The following HDAC4 variants were observed in gnomAD, a reference collection of about 807,000 sequenced individuals.
HDAC4 encodes histone deacetylase A.
A neutral mutation model predicts 135.1 loss-of-function variants in HDAC4; 16 were observed. That is an observed-to-expected ratio of 0.12 (90% confidence interval 0.08 to 0.18). The LOEUF is 0.18. HDAC4 is among the 10% of genes least tolerant of loss of function. HDAC4 has a pLI of 1.00. For synonymous variants in HDAC4, 685 were observed against 653.4 expected (o/e 1.05, Z -0.74); for missense variants, 1,143 against 1,511.8 (o/e 0.76, Z 4.05).
intron 3 of HDAC4, among the ~76,000 whole-genome samples, chr2:239,196,550 C>G (rs1465975627): frequency 6.6e-6 from 1 of 152,342 alleles, no homozygotes; most frequent in East Asian, 1.9e-4. Context: ...CGGGACAGGA[C>G]AGTCTCGAGT....
chr2:239,295,306 CAAAAAAAAAAAAA>C (rs55990119), intron 2 of HDAC4, among the ~76,000 whole-genome samples: 15 of 46,526 alleles, frequency 3.2e-4, no homozygotes, highest in East Asian at 8.0e-4. Context: ...GACTCCGTCT[CAAAAAAAAAAAAA>C]AAAAAAAAAA....
At chr2:239,276,258 G>A (rs2050357384) in intron 2 of HDAC4, among the ~76,000 whole-genome samples, 1 of 152,244 alleles carries the variant, frequency 6.6e-6, no homozygotes, top group Non-Finnish European at 1.5e-5. Flanking sequence ...AGCGGGTGCG[G>A]ACCCTTGGCA....
At position 239,078,414 on chromosome 2, in the gene HDAC4, C is replaced by T. The variant is rs3791368; in HGVS notation, c.2750+2681G>A. Among the ~76,000 whole-genome samples the T allele has an allele frequency of 6.0e-3, 920 of 152,178 alleles. 63 individuals carry two copies. In the East Asian group the frequency reaches 0.14, roughly 23 times the overall value. On this transcript the variant is annotated intron_variant, in intron 22 of 26. Coordinates refer to ENST00000543185, the MANE Select transcript of HDAC4 (RefSeq NM_001378414.1). ...GCATGCATTGTCCCCGGGGGGCCCC[C>T]GTGGGGGAGAAGAGCAGAAGAAAGG...
intron 3 of HDAC4, among the ~76,000 whole-genome samples, chr2:239,227,250 A>G (rs1559253063): frequency 1.3e-5 from 2 of 152,192 alleles, no homozygotes; most frequent in African/African-American, 2.4e-5. Context: ...GGCAGAGCCC[A>G]GGGACTACTA....
intron 2 of HDAC4, among the ~76,000 whole-genome samples, chr2:239,341,852 T>C (rs1692315400): frequency 6.6e-6 from 1 of 152,186 alleles, no homozygotes. Flanking sequence ...TAAAATCTAA[T>C]ACCCAATGTG....
Position 239,090,048 on chromosome 2 carries a change from C to A in HDAC4, c.2349G>T (p.Val783=). 6.2e-7 allele frequency: 1 copy of A among 1,613,874 alleles called. No homozygotes were observed. The highest frequency in any genetic ancestry group is 8.5e-7 in the Non-Finnish European group (1 of 1,179,988). The part of the protein sequence containing the change: ...AGAARLAVGC[V]VELVFKVATG... ...TGGCCACCTTGAAGACCAGCTCTAC[C>A]ACGCAGCCCACAGCCAGGCGGGCTG... is the stretch of plus-strand genomic sequence containing the variant. The change falls in exon 18 of 27, where the codon GTG becomes GTT. Residue 783 remains valine, a synonymous_variant. Transcript: ENST00000543185.
chr2:239,210,098 A>G (rs1267539638), intron 3 of HDAC4, among the ~76,000 whole-genome samples: 1 of 152,146 alleles, frequency 6.6e-6, no homozygotes, highest in Non-Finnish European at 1.5e-5. Flanking sequence ...TCTCCTTAGG[A>G]CAGCCACCCT....
chr2:239,342,525 C>T (rs10209343), intron 2 of HDAC4, among the ~76,000 whole-genome samples: 21,325 of 152,010 alleles, frequency 0.14, 2,186 homozygotes, highest in East Asian at 0.43. Flanking sequence ...AAAACAAATA[C>T]GTTACAATAA....
chr2:239,092,645 G>A (rs1422046973), intron 17 of HDAC4, among the ~76,000 whole-genome samples: 1 of 152,152 alleles, frequency 6.6e-6, no homozygotes, highest in East Asian at 1.9e-4. Flanking sequence ...CAGGACCCCA[G>A]TCCCCAGAGA....
intron 24 of HDAC4, among the ~76,000 whole-genome samples, chr2:239,065,818 G>A (rs965713652): frequency 1.3e-5 from 2 of 152,238 alleles, no homozygotes; most frequent in Non-Finnish European, 2.9e-5. Flanking sequence ...GACACCCAGC[G>A]CAGGCAGCCA....
At chr2:239,198,665 T>C (rs768403770) in intron 3 of HDAC4, among the ~76,000 whole-genome samples, 1 of 152,208 alleles carries the variant, frequency 6.6e-6, no homozygotes, top group Non-Finnish European at 1.5e-5. Flanking sequence ...TTTTTGGGTC[T>C]GCTGAATCGC....
chr2:239,382,948 G>A (rs1314398700), intron 1 of HDAC4, among the ~76,000 whole-genome samples: 5 of 151,898 alleles, frequency 3.3e-5, no homozygotes, highest in Non-Finnish European at 5.9e-5. Context: ...CAGGCTGGTC[G>A]TGAACTCCTG....
At chr2:239,298,260 C>G in intron 2 of HDAC4, 14 of 1,285,446 alleles carry the variant, frequency 1.1e-5, no homozygotes, top group Non-Finnish European at 1.4e-5. Flanking sequence ...GGCTTGACGA[C>G]AGACTGGGCT....
At chr2:239,399,230 C>G (rs1004986853) in intron 1 of HDAC4, among the ~76,000 whole-genome samples, 24 of 152,188 alleles carry the variant, frequency 1.6e-4, no homozygotes, top group African/African-American at 5.1e-4. Context: ...TCCAAAACTC[C>G]ATTCTGATGA....
chr2:239,236,474 C>T (rs2047892620), intron 3 of HDAC4, 119 bp downstream of exon 3: 1 of 789,684 alleles, frequency 1.3e-6, no homozygotes, highest in Admixed American at 2.2e-5. Flanking sequence ...TTCAGTGAAC[C>T]TGATACCCCA....
At chr2:239,187,850 T>G (rs1347192278) in intron 4 of HDAC4, among the ~76,000 whole-genome samples, 1 of 152,184 alleles carries the variant, frequency 6.6e-6, no homozygotes, top group Admixed American at 6.5e-5. Flanking sequence ...AGTGACGTGT[T>G]TGTTACACAC....
intron 1 of HDAC4, among the ~76,000 whole-genome samples, chr2:239,361,392 G>T (rs1267022419): frequency 6.6e-6 from 1 of 152,242 alleles, no homozygotes; most frequent in East Asian, 1.9e-4. Context: ...TCACAAGTTT[G>T]TGGTACTTTA....
chr2:239,286,347 T>G (rs2051135155), intron 2 of HDAC4, among the ~76,000 whole-genome samples: 2 of 152,080 alleles, frequency 1.3e-5, no homozygotes, highest in African/African-American at 4.8e-5. Context: ...AAAAAGGAGA[T>G]TCGGTGAGTG....
intron 4 of HDAC4, among the ~76,000 whole-genome samples, chr2:239,183,390 C>A (rs1223101701): frequency 6.6e-6 from 1 of 152,232 alleles, no homozygotes; most frequent in Non-Finnish European, 1.5e-5. Context: ...GATGCCGCGC[C>A]CGCATAAAGC....
Sources: gnomAD v4.1 joint callset for allele counts (sites outside exome capture counted in the v4.1 genomes callset) on GRCh38, gnomAD v4.1.1 for gene constraint, MANE v1.5 for transcripts, NCBI Gene and HGNC (gene_info 2026-07-23, HGNC 2026-07-21) for gene names.